The following DCDC1 variants were observed in gnomAD, a reference collection of about 807,000 sequenced individuals.
DCDC1 encodes doublecortin domain containing 1.
In DCDC1, 200 loss-of-function variants were observed where a neutral mutation model predicts 178.3. The observed-to-expected ratio is 1.12, with a 90% CI of 1.00 to 1.26. The LOEUF (loss-of-function observed/expected upper bound fraction) is 1.26. DCDC1 is among the 50% of genes most tolerant of loss of function. The pLI is 0.00. For missense variants in DCDC1, 1,983 were observed against 1,749.2 expected (o/e 1.13, Z -2.38); for synonymous variants, 690 against 604.8 (o/e 1.14, Z -2.07).
rs764591673 is a variant in DCDC1, at chr11:31,097,532, C to G, written c.1984-3348G>C. Among the ~76,000 whole-genome samples the G allele has an allele frequency of 1.7e-3, 255 of 152,284 alleles. 1 individual carries two copies. Among genetic ancestry groups the G allele is most frequent in the Non-Finnish European group, 3.0e-3 (204 of 68,014 alleles). ...TCTTTCCTCATGTAATTTCTGTTCTCTCTTATTGTTTCTATGCTCTAACTT... is the reference window on the plus strand; with the variant it reads ...TCTTTCCTCATGTAATTTCTGTTCTGTCTTATTGTTTCTATGCTCTAACTT... On this transcript the variant is annotated intron_variant, in intron 15 of 38. Transcript: ENST00000684477.
In DCDC1 at chr11:31,261,550, T is replaced by C. The variant is rs560822444; in HGVS notation, c.1054+3957A>G. On this transcript the variant is annotated intron_variant, in intron 8 of 38. Coordinates refer to ENST00000684477, the MANE Select transcript of DCDC1 (RefSeq NM_001387274.1). ...TTTAAAAACAATACAGTGTAACAAC[T>C]ATTTATATAACATTTACACAGTATT... Among the ~76,000 whole-genome samples the C allele has an allele frequency of 5.3e-5, 8 of 152,270 alleles. No homozygotes were observed. In the East Asian group the frequency reaches 1.5e-3, roughly 29 times the overall value.
At chr11:31,263,054 G>A (rs369329098) in intron 8 of DCDC1, 100 of 1,612,768 alleles carry the variant, frequency 6.2e-5, no homozygotes, top group Non-Finnish European at 7.0e-5. Flanking sequence ...GAAGTATCAC[G>A]TCTCAGAGTC....
intron 20 of DCDC1, among the ~76,000 whole-genome samples, chr11:30,974,492 G>C (rs1288012810): frequency 6.6e-6 from 1 of 151,944 alleles, no homozygotes; most frequent in Non-Finnish European, 1.5e-5. Context: ...GAAAAAAAGA[G>C]AGAAGACCCA....
chr11:30,971,606 T>TTTC (rs1161939933), intron 20 of DCDC1, among the ~76,000 whole-genome samples: 6 of 118,198 alleles, frequency 5.1e-5, no homozygotes, highest in African/African-American at 1.8e-4. Context: ...GGCCTTTGTT[T>TTTC]TTTTTTTTTT....
chr11:31,049,025 T>G (rs1955066997), intron 20 of DCDC1, among the ~76,000 whole-genome samples: 1 of 152,264 alleles, frequency 6.6e-6, no homozygotes, highest in African/African-American at 2.4e-5. Context: ...ATATTTGGTA[T>G]TTCTGTTTTA....
At chr11:31,016,333 C>A (rs1024584968) in intron 20 of DCDC1, among the ~76,000 whole-genome samples, 11 of 152,144 alleles carry the variant, frequency 7.2e-5, no homozygotes, top group Non-Finnish European at 1.3e-4. Flanking sequence ...TCCATTAATT[C>A]TCAGACCTTA....
intron 11 of DCDC1, among the ~76,000 whole-genome samples, chr11:31,126,636 T>C (rs1043574045): frequency 6.6e-6 from 1 of 152,116 alleles, no homozygotes; most frequent in African/African-American, 2.4e-5. Context: ...CCCATAAAAA[T>C]AATCAAAAGG....
At chr11:31,074,854 G>A (rs1956772959) in intron 18 of DCDC1, among the ~76,000 whole-genome samples, 1 of 152,166 alleles carries the variant, frequency 6.6e-6, no homozygotes, top group African/African-American at 2.4e-5. Flanking sequence ...GGTGACTCTG[G>A]TGATGTCTCT....
intron 9 of DCDC1, among the ~76,000 whole-genome samples, chr11:31,158,253 C>T (rs1251980061): frequency 6.6e-6 from 1 of 151,860 alleles, no homozygotes; most frequent in African/African-American, 2.4e-5. Flanking sequence ...GGACTACAGG[C>T]ACCCGCCATC....
At chr11:31,047,331 T>C (rs890574110) in intron 20 of DCDC1, among the ~76,000 whole-genome samples, 2 of 152,114 alleles carry the variant, frequency 1.3e-5, no homozygotes, top group African/African-American at 4.8e-5. Context: ...TTGTCATTGT[T>C]GAACAGAAAA....
chr11:31,313,120 G>GT, intron 3 of DCDC1, among the ~76,000 whole-genome samples: 1 of 152,098 alleles, frequency 6.6e-6, no homozygotes, highest in South Asian at 2.1e-4. Context: ...TTTGCTATTT[G>GT]TTTTCTGTTT....
At chr11:31,198,691 A>T (rs1970965305) in intron 9 of DCDC1, among the ~76,000 whole-genome samples, 1 of 151,996 alleles carries the variant, frequency 6.6e-6, no homozygotes, top group South Asian at 2.1e-4. Context: ...GCTTATCACT[A>T]GTCAATTAGA....
chr11:31,346,463 C>CAAAAAAAAAAA (rs377761189), intron 1 of DCDC1, among the ~76,000 whole-genome samples: 1 of 83,746 alleles, frequency 1.2e-5, no homozygotes, highest in Non-Finnish European at 2.4e-5. Context: ...GACTCCGTCT[C>CAAAAAAAAAAA]AAAAAAAAAA....
intron 9 of DCDC1, among the ~76,000 whole-genome samples, chr11:31,223,752 T>C (rs1974562118): frequency 6.6e-6 from 1 of 152,280 alleles, no homozygotes; most frequent in South Asian, 2.1e-4. Context: ...CAGAGTGACA[T>C]GTATAGTATA....
intron 9 of DCDC1, among the ~76,000 whole-genome samples, chr11:31,139,639 G>A (rs1392862146): frequency 6.6e-6 from 1 of 152,174 alleles, no homozygotes; most frequent in African/African-American, 2.4e-5. Flanking sequence ...AAACTCTTTG[G>A]TGCCACAGCA....
chr11:31,113,022 G>C (rs947579290), intron 11 of DCDC1, among the ~76,000 whole-genome samples: 5 of 152,030 alleles, frequency 3.3e-5, no homozygotes, highest in Admixed American at 3.3e-4. Flanking sequence ...GCATATTCAG[G>C]GTACACCTGG....
intron 20 of DCDC1, among the ~76,000 whole-genome samples, chr11:31,037,715 G>A (rs1003926854): frequency 5.3e-5 from 8 of 151,960 alleles, no homozygotes; most frequent in South Asian, 4.2e-4. Context: ...CACCCGCCTC[G>A]GCCTCCCAAA....
intron 11 of DCDC1, among the ~76,000 whole-genome samples, chr11:31,114,591 A>G (rs952453964): frequency 2.0e-5 from 3 of 152,208 alleles, no homozygotes; most frequent in Non-Finnish European, 4.4e-5. Flanking sequence ...CAGGGAGAAG[A>G]GTACTACACG....
At chr11:31,336,692 C>G (rs1370043077) in intron 1 of DCDC1, among the ~76,000 whole-genome samples, 1 of 152,214 alleles carries the variant, frequency 6.6e-6, no homozygotes, top group East Asian at 1.9e-4. Context: ...CTTGTTCCTT[C>G]TACAAAACTA....
Sources: gnomAD v4.1 joint callset for allele counts (sites outside exome capture counted in the v4.1 genomes callset) on GRCh38, gnomAD v4.1.1 for gene constraint, MANE v1.5 for transcripts, NCBI Gene and HGNC (gene_info 2026-07-23, HGNC 2026-07-21) for gene names.